The following HMMR variants were observed in gnomAD, a reference collection of about 807,000 sequenced individuals.
The protein encoded by HMMR is intracellular hyaluronic acid-binding protein.
HMMR carries 108 observed loss-of-function variants against 101.0 expected under a neutral mutation model. The observed-to-expected ratio is 1.07, with a 90% CI of 0.92 to 1.25. The LOEUF (loss-of-function observed/expected upper bound fraction) is 1.25, where lower values mean the gene tolerates loss of function less well. Among genes scored for constraint, HMMR ranks in the 50% most tolerant of loss-of-function variants. HMMR has a pLI of 0.00. For missense variants in HMMR, 813 were observed against 788.7 expected (o/e 1.03, Z -0.37); for synonymous variants, 296 against 276.4 (o/e 1.07, Z -0.70).
rs1239888895 is a variant in HMMR at position 163,483,048 on chromosome 5, G to A, written c.1561G>A (p.Ala521Thr). Residue 521 changes from alanine (A) to threonine (T), a missense_variant, in exon 14 of 18, where the codon GCA (alanine) becomes ACA (threonine). Physicochemically the swap from Ala to Thr is moderately conservative, Grantham distance 58 (BLOSUM62 0). Coordinates refer to ENST00000393915, the MANE Select transcript of HMMR (RefSeq NM_001142556.2). The stretch of plus-strand genomic sequence containing the variant: ...GCTTCTAGATCTGCAGACCAAGTCA[G>A]CACTAAAGGAAACAGAAATTAAAGA... ...RMLLDLQTKS[A>T]LKETEIKEIT... 3 of 1,611,528 alleles carry A rather than the reference G, an allele frequency of 1.9e-6. No homozygotes were observed. Among genetic ancestry groups the A allele is most frequent in the Non-Finnish European group, 2.5e-6 (3 of 1,179,000 alleles).
At position 163,467,767 on chromosome 5, in the gene HMMR, T is replaced by C; in HGVS notation, c.273+19T>C. 7.2e-7 allele frequency: 1 copy of C among 1,385,742 alleles called. No individual in the cohort carries two copies. Among genetic ancestry groups the C allele is most frequent in the Non-Finnish European group, 1.0e-6 (1 of 978,140 alleles). The allele number at this position is 1,385,742 out of a possible 1,614,324, so 85.8% of individuals were successfully genotyped here. A position where few individuals can be genotyped will look rare whatever the true frequency, so the allele number is the denominator to read the frequency against. On this transcript the variant is annotated intron_variant, in intron 4 of 17. Transcript: ENST00000393915. ...GAAAGAGGTAAGCAGTGCTTTAAAC[T>C]TAGTGAAAAGTACACATGATAGAAA...
At chr5:163,469,935 A>G (rs1581190553) in intron 5 of HMMR, 106 bp downstream of exon 5, 1 of 676,182 alleles carries the variant, frequency 1.5e-6, no homozygotes, top group Non-Finnish European at 2.4e-6. Context: ...TGGGAGGCCA[A>G]GGCAGGCGGA....
rs776824196 is a variant in HMMR, at chr5:163,464,778, A to G, written c.201A>G (p.Arg67=). The G allele has an allele frequency of 6.2e-7, 1 of 1,612,544 alleles. No homozygotes were observed. The highest frequency in any genetic ancestry group is 2.2e-5 in the East Asian group (1 of 44,854). Residue 67 remains arginine (R), a synonymous_variant, in exon 3 of 18, where the codon AGA becomes AGG. Transcript: ENST00000393915. Reference sequence around the variant, plus strand: ...ATACTACCTTGCCTGCTTCAGCTAGAAAAGTTAAGTCTTCGGAATCAAAGG... The same window carrying G: ...ATACTACCTTGCCTGCTTCAGCTAGGAAAGTTAAGTCTTCGGAATCAAAGG... ...DKDTTLPASA[R]KVKSSESKKE...
chr5:163,471,249 A>G lies in HMMR; in HGVS notation c.527A>G (p.Asn176Ser), dbSNP rs758825530. The G allele has an allele frequency of 6.2e-7, 1 of 1,613,292 alleles. No homozygotes were observed. The highest frequency in any genetic ancestry group is 1.7e-5 in the Admixed American group (1 of 60,000). Residue 176 changes from asparagine (N) to serine (S), a missense_variant, in exon 6 of 18, where the codon AAC (asparagine) becomes AGC (serine). By Grantham distance (46) the Asn-to-Ser change is conservative (BLOSUM62 1). Transcript: ENST00000393915. ...AGCTTGGAGTTGATGAAACTTAGAA[A>G]CAAAAGAGAAACAAAGATGAGGGTG... ...ILSLELMKLR[N>S]KRETKMRGMM... is the part of the protein sequence containing the mutation.
intron 3 of HMMR, among the ~76,000 whole-genome samples, chr5:163,465,676 G>T (rs1217757972): frequency 6.6e-6 from 1 of 152,132 alleles, no homozygotes; most frequent in Non-Finnish European, 1.5e-5. Flanking sequence ...AAAGACAGCT[G>T]GGGGGCGCAC....
Position 163,475,448 on chromosome 5 carries a change from T to G in HMMR, c.1054-10T>G, listed in dbSNP as rs1438051740. On this transcript the variant is annotated splice_polypyrimidine_tract_variant and intron_variant, in intron 10 of 17. Transcript: ENST00000393915. ...CCAAATTATTTTGGTGGTTTTCTGT[T>G]TGGATATAGGAATTATCTTCGAGTC... 3.3e-6 allele frequency: 5 copies of G among 1,520,092 alleles called. No homozygotes were observed. Among genetic ancestry groups the G allele is most frequent in the Non-Finnish European group, 3.6e-6 (4 of 1,115,452 alleles). 94.2% of individuals were successfully genotyped at this position (1,520,092 alleles called of 1,614,324 possible).
chr5:163,463,157 C>T lies in HMMR; in HGVS notation c.47-699C>T, dbSNP rs371802665. On this transcript the variant is annotated intron_variant, in intron 1 of 17. Coordinates refer to ENST00000393915, the MANE Select transcript of HMMR (RefSeq NM_001142556.2). Reference sequence around the variant, plus strand: ...ATGCAGTATAAACTTCTGGAACATACAAATATAGTCTAGTACAATTTGTAC... The same window carrying T: ...ATGCAGTATAAACTTCTGGAACATATAAATATAGTCTAGTACAATTTGTAC... 5.9e-5 allele frequency among the ~76,000 whole-genome samples: 9 copies of T among 152,116 alleles called. No homozygotes were observed. In the South Asian group the frequency reaches 1.7e-3, roughly 28 times the overall value.
intron 13 of HMMR, 88 bp downstream of exon 13, chr5:163,482,876 C>A: frequency 2.2e-6 from 3 of 1,334,726 alleles, no homozygotes; most frequent in South Asian, 1.3e-5. Flanking sequence ...TTGCTTTTGG[C>A]CATCTTATAC....
chr5:163,490,588 C>T lies in HMMR; in HGVS notation c.2125+36C>T. The T allele has an allele frequency of 2.7e-6, 4 of 1,490,408 alleles. No individual in the cohort carries two copies. The South Asian group carries it at 4.9e-5, about 18-fold the overall frequency. The allele number at this position is 1,490,408 out of a possible 1,614,324, so 92.3% of individuals were successfully genotyped here. On this transcript the variant is annotated intron_variant, in intron 17 of 17. Transcript: ENST00000393915. ...AATAAATGTATAAAAGTGTCCTCTT[C>T]CTTTGGATTTGCTTTTATAGCATTT...
chr5:163,473,121 T>C (rs1758947834), intron 7 of HMMR, 58 bp from the exon 8 acceptor site: 8 of 885,044 alleles, frequency 9.0e-6, no homozygotes, highest in East Asian at 2.6e-5. Flanking sequence ...ATAAGCATTA[T>C]GTAAGATTAT....
At chr5:163,476,923 C>CA (rs1489002499) in intron 11 of HMMR, among the ~76,000 whole-genome samples, 1 of 152,054 alleles carries the variant, frequency 6.6e-6, no homozygotes, top group Non-Finnish European at 1.5e-5. Flanking sequence ...CCCAGCTATT[C>CA]AGGAGGCTGA....
Position 163,483,312 on chromosome 5 carries a change from T to C in HMMR, c.1730T>C (p.Ile577Thr), listed in dbSNP as rs755889945. The C allele has an allele frequency of 3.7e-6, 6 of 1,611,002 alleles. No homozygotes were observed. The South Asian group carries it at 6.6e-5, about 18-fold the overall frequency. ...ENTTAELTEE[I>T]NKWRLLYEEL... Reference sequence around the variant, plus strand: ...ACAACAGCAGAATTAACTGAAGAAATTAACAAGTGGCGTCTCCTCTATGAA... The same window carrying C: ...ACAACAGCAGAATTAACTGAAGAAACTAACAAGTGGCGTCTCCTCTATGAA... The change falls in exon 15 of 18, where the codon ATT becomes ACT. Residue 577 changes from isoleucine to threonine, a missense_variant. Ile to Thr is a moderately conservative substitution (Grantham distance 89, BLOSUM62 -1). Coordinates refer to ENST00000393915, the MANE Select transcript of HMMR (RefSeq NM_001142556.2).
Position 163,491,323 on chromosome 5 carries a change from C to T in HMMR, c.*159C>T. On this transcript the variant is annotated 3_prime_UTR_variant, in exon 18 of 18. Coordinates refer to ENST00000393915, the MANE Select transcript of HMMR (RefSeq NM_001142556.2). ...CATTTTTTACCAAAGTGTCTTTTGA[C>T]ATTTTATTTTTTCTTGCAAATACCT... 1 of 509,048 alleles carries T rather than the reference C, an allele frequency of 2.0e-6. No homozygotes were observed. Among genetic ancestry groups the T allele is most frequent in the Admixed American group, 4.1e-5 (1 of 24,248 alleles). The allele number at this position is 509,048 out of a possible 1,614,324, so 31.5% of individuals were successfully genotyped here. A position where few individuals can be genotyped will look rare whatever the true frequency, so the allele number is the denominator to read the frequency against.
At chr5:163,466,432 A>G (rs1192676534) in intron 3 of HMMR, among the ~76,000 whole-genome samples, 1 of 152,224 alleles carries the variant, frequency 6.6e-6, no homozygotes, top group East Asian at 1.9e-4. Flanking sequence ...GCATAGCCAC[A>G]TGTGTCTATT....
chr5:163,466,298 A>G (rs1021329913), intron 3 of HMMR, among the ~76,000 whole-genome samples: 25 of 152,162 alleles, frequency 1.6e-4, no homozygotes, highest in African/African-American at 5.3e-4. Flanking sequence ...AAAGTTGTAC[A>G]AATTAATAGG....
intron 17 of HMMR, 22 bp downstream of exon 17, chr5:163,490,574 A>G: frequency 6.5e-7 from 1 of 1,538,348 alleles, no homozygotes; most frequent in African/African-American, 1.4e-5. Context: ...ATAAATGTAT[A>G]AAAGTGTCCT....
intron 16 of HMMR, among the ~76,000 whole-genome samples, chr5:163,485,947 T>C (rs1759463265): frequency 6.6e-6 from 1 of 152,214 alleles, no homozygotes; most frequent in Non-Finnish European, 1.5e-5. Context: ...AATTAAAAAA[T>C]CATTTAGACT....
At chr5:163,466,549 T>C (rs1231686739) in intron 3 of HMMR, among the ~76,000 whole-genome samples, 4 of 152,212 alleles carry the variant, frequency 2.6e-5, no homozygotes, top group Non-Finnish European at 5.9e-5. Flanking sequence ...GGAACGCTTT[T>C]AAATATTTTT....
Position 163,473,429 on chromosome 5 carries a change from A to C in HMMR, c.776A>C (p.Glu259Ala), listed in dbSNP as rs2113478641. The change falls in exon 9 of 18, where the codon GAA (glutamate) becomes GCA (alanine). Residue 259 changes from glutamate to alanine, a missense_variant. Physicochemically the swap from Glu to Ala is moderately radical, Grantham distance 107. Transcript: ENST00000393915. ...TACAAGCTAGATATTGCCCAGTTAG[A>C]AGAAAATTTGAAAGAGAAGAATGAT... is the stretch of plus-strand genomic sequence containing the variant. ...EKYKLDIAQLEENLKEKNDEI... is the reference protein window; with the variant it reads ...EKYKLDIAQLAENLKEKNDEI... 6.2e-7 allele frequency: 1 copy of C among 1,611,478 alleles called. No individual in the cohort carries two copies. Among genetic ancestry groups the C allele is most frequent in the African/African-American group, 1.3e-5 (1 of 74,966 alleles).
Sources: gnomAD v4.1 joint callset for allele counts (sites outside exome capture counted in the v4.1 genomes callset) on GRCh38, gnomAD v4.1.1 for gene constraint, MANE v1.5 for transcripts, NCBI Gene and HGNC (gene_info 2026-07-23, HGNC 2026-07-21) for gene names.